The following MYBPC3 variants were observed in gnomAD, a reference collection of about 807,000 sequenced individuals.
The protein encoded by MYBPC3 is myosin-binding protein C, cardiac-type.
A neutral mutation model predicts 159.3 loss-of-function variants in MYBPC3; 108 were observed. That is an observed-to-expected ratio of 0.68 (90% CI 0.58 to 0.80). The LOEUF (loss-of-function observed/expected upper bound fraction) is 0.80. MYBPC3 is among the 30% of genes least tolerant of loss of function. MYBPC3 has a pLI of 0.00. For missense variants in MYBPC3, 1,631 were observed against 1,762.1 expected, an observed-to-expected ratio of 0.93 and a Z score of 1.33; for synonymous variants, 730 against 702.0, an observed-to-expected ratio of 1.04 and a Z score of -0.63.
Position 47,342,241 on chromosome 11 carries a change from C to T in MYBPC3, c.1625-85G>A, listed in dbSNP as rs1260563017. 26 of 1,496,568 alleles carry T rather than the reference C, an allele frequency of 1.7e-5. No individual in the cohort carries two copies. In the South Asian group the frequency reaches 2.3e-4, roughly 13 times the overall value. The allele number at this position is 1,496,568 out of a possible 1,614,324, so 92.7% of individuals were successfully genotyped here. ...TGTGGAGGGCGTGTGGGCCCATGGG[C>T]GCTGGTGCGCACGTGTCTGGGTGCA... On this transcript the variant is annotated intron_variant, in intron 17 of 34. Transcript: ENST00000545968.
Position 47,332,824 on chromosome 11 carries a change from G to A in MYBPC3, c.3480C>T (p.Ile1160=), listed in dbSNP as rs756214979. The change falls in exon 31 of 35, where the codon ATC becomes ATT. Residue 1160 remains isoleucine (I), a synonymous_variant. Transcript: ENST00000545968. This position sits in a 1 kb window ranked among gnomAD's most constrained non-coding sequence, Gnocchi z 4.2. ...RAATTKEPVF[I]PRPGITYEPP... ...ATGAGGGTACAGCACCTGGTCTGGGGATAAAGACGGGCTCCTTGGTGGTGG... is the reference window on the plus strand; with the variant it reads ...ATGAGGGTACAGCACCTGGTCTGGGAATAAAGACGGGCTCCTTGGTGGTGG... 4 of 1,606,214 alleles carry A rather than the reference G, an allele frequency of 2.5e-6. No homozygotes were observed. The highest frequency in any genetic ancestry group is 2.2e-5 in the South Asian group (2 of 89,604).
intron 25 of MYBPC3, chr11:47,336,291 C>T (rs1260234322): frequency 1.3e-5 from 3 of 236,422 alleles, no homozygotes; most frequent in Non-Finnish European, 2.5e-5. Flanking sequence ...AGTTCAAGAC[C>T]AGCCTGGCCA....
Position 47,332,292 on chromosome 11 carries a change from T to G in MYBPC3, c.3628-34A>C. On this transcript the variant is annotated intron_variant, in intron 32 of 34. Transcript: ENST00000545968. The surrounding 1 kb of genome is among the most constrained non-coding windows in gnomAD (Gnocchi z 4.2). Reference sequence around the variant, plus strand: ...AAGGTAAAGAGAGGGAGGGAAGCCATCCAGGCTGAGAGGGGACCTGGCAGG... The same window carrying G: ...AAGGTAAAGAGAGGGAGGGAAGCCAGCCAGGCTGAGAGGGGACCTGGCAGG... The G allele has an allele frequency of 6.2e-7, 1 of 1,603,662 alleles. No individual in the cohort carries two copies. The highest frequency in any genetic ancestry group is 8.5e-7 in the Non-Finnish European group (1 of 1,176,364).
Position 47,339,651 on chromosome 11 carries a change from C to A in MYBPC3, c.2067G>T (p.Gln689His). The A allele has an allele frequency of 6.3e-7, 1 of 1,591,458 alleles. No individual in the cohort carries two copies. The highest frequency in any genetic ancestry group is 8.6e-7 in the Non-Finnish European group (1 of 1,167,202). Reference sequence around the variant, plus strand: ...GAGACTGAGGAGGGACCCACAGTACCTGCGTGATAGCCTTCTGCCAGATCA... The same window carrying A: ...GAGACTGAGGAGGGACCCACAGTACATGCGTGATAGCCTTCTGCCAGATCA... ...PTVIWQKAIT[Q>H]GNKAPARPAP... Residue 689 changes from glutamine to histidine, a missense_variant and splice_region_variant, in exon 21 of 35, where the codon CAG (glutamine) becomes CAT (histidine). Physicochemically the swap from Gln to His is conservative, Grantham distance 24 (BLOSUM62 0). Transcript: ENST00000545968.
chr11:47,338,353 A>T lies in MYBPC3; in HGVS notation c.2308+167T>A, dbSNP rs375705319. Among the ~76,000 whole-genome samples the T allele has an allele frequency of 5.3e-5, 8 of 152,118 alleles. No homozygotes were observed. In the South Asian group the frequency reaches 1.2e-3, roughly 24 times the overall value. On this transcript the variant is annotated intron_variant, in intron 23 of 34. Transcript: ENST00000545968. The surrounding 1 kb of genome is among the most constrained non-coding windows in gnomAD (Gnocchi z 4.7). ...AAATCTGCTGGATGCATCTGCCTCC[A>T]TCTCCCCCAGAGCGGGGCTCCTTTT...
chr11:47,342,801 C>T (rs1363211535), intron 16 of MYBPC3, 29 bp downstream of exon 16: 5 of 1,611,958 alleles, frequency 3.1e-6, no homozygotes, highest in African/African-American at 1.3e-5. Context: ...ATGCCCCCAA[C>T]ACCCATGCCC....
In MYBPC3 at chr11:47,351,529, A is replaced by G; in HGVS notation, c.26-24T>C. The G allele has an allele frequency of 6.4e-7, 1 of 1,560,114 alleles. No homozygotes were observed. The highest frequency in any genetic ancestry group is 1.2e-5 in the South Asian group (1 of 83,924). On this transcript the variant is annotated intron_variant, in intron 1 of 34. Transcript: ENST00000545968. The surrounding 1 kb of genome is among the most constrained non-coding windows in gnomAD (Gnocchi z 4.2). ...GACTGAAGGGCCAGGTGGAGGCTACAGCGGCCCCTGGTTGGAGCGTGCACC... is the reference window on the plus strand; with the variant it reads ...GACTGAAGGGCCAGGTGGAGGCTACGGCGGCCCCTGGTTGGAGCGTGCACC...
chr11:47,342,781 T>C, intron 16 of MYBPC3, 37 bp from the exon 17 acceptor site: 1 of 1,612,882 alleles, frequency 6.2e-7, no homozygotes, highest in Non-Finnish European at 8.5e-7. Flanking sequence ...CTGTGGCCTC[T>C]TCTGGGCAGA....
intron 18 of MYBPC3, among the ~76,000 whole-genome samples, 145 bp downstream of exon 18, chr11:47,341,836 CTCTCTGTGGG>C (rs1308711523): frequency 6.6e-6 from 1 of 152,084 alleles, no homozygotes; most frequent in African/African-American, 2.4e-5. Flanking sequence ...CTGTTTCTCC[CTCTCTGTGGG>C]TCTCTGTCTC....
chr11:47,347,243 G>A (rs1403952396), intron 9 of MYBPC3, 183 bp downstream of exon 9: 17 of 985,202 alleles, frequency 1.7e-5, no homozygotes, highest in South Asian at 4.7e-5. Context: ...GACTGTTGAC[G>A]GGACATAATG....
chr11:47,342,466 A>C (rs1595846078), intron 17 of MYBPC3, 112 bp downstream of exon 17: 29 of 1,322,886 alleles, frequency 2.2e-5, no homozygotes, highest in Non-Finnish European at 2.9e-5. Flanking sequence ...CAAAGGCCCA[A>C]GGTCACAGAG....
At chr11:47,343,308 T>C (rs759519454) in intron 13 of MYBPC3, 46 bp from the exon 14 acceptor site, 26 of 1,526,972 alleles carry the variant, frequency 1.7e-5, no homozygotes, top group Middle Eastern at 1.7e-4. Flanking sequence ...CGGGAGGAAG[T>C]GAGCCCGAGA....
rs746879167 is a variant in MYBPC3, at chr11:47,331,926, G to A, written c.3815-45C>T. ...GTCACTGTGTCCTCCCAGCCTTCTG[G>A]AAGCTATTGCCCATCTGGGCGTGGC... On this transcript the variant is annotated intron_variant, in intron 33 of 34. Coordinates refer to ENST00000545968, the MANE Select transcript of MYBPC3 (RefSeq NM_000256.3). The A allele has an allele frequency of 5.8e-5, 93 of 1,605,320 alleles. 1 individual carries two copies. In the East Asian group the frequency reaches 2.1e-3, roughly 36 times the overall value.
chr11:47,342,764 G>A lies in MYBPC3; in HGVS notation c.1458-20C>T, dbSNP rs1329789965. 1 of 1,613,288 alleles carries A rather than the reference G, an allele frequency of 6.2e-7. No individual in the cohort carries two copies. Among genetic ancestry groups the A allele is most frequent in the African/African-American group, 1.3e-5 (1 of 74,926 alleles). Reference sequence around the variant, plus strand: ...TTCAGCCTAGCCGGGTGGGTGGGTGGCAAGTGCTGTGGCCTCTTCTGGGCA... The same window carrying A: ...TTCAGCCTAGCCGGGTGGGTGGGTGACAAGTGCTGTGGCCTCTTCTGGGCA... On this transcript the variant is annotated intron_variant, in intron 16 of 34. Coordinates refer to ENST00000545968, the MANE Select transcript of MYBPC3 (RefSeq NM_000256.3).
rs377287239 is a variant in MYBPC3, at chr11:47,347,633, G to A, written c.851+18C>T. 4.1e-5 allele frequency: 65 copies of A among 1,572,440 alleles called. No individual in the cohort carries two copies. The highest frequency in any genetic ancestry group is 5.1e-5 in the Non-Finnish European group (59 of 1,158,862). On this transcript the variant is annotated intron_variant, in intron 8 of 34. Coordinates refer to ENST00000545968, the MANE Select transcript of MYBPC3 (RefSeq NM_000256.3). ...GGGGGTCTGCGGATGGTGCAGGTAG[G>A]GCCTGGGGCAGGGGTACCTGATCCG...
At chr11:47,342,438 G>A (rs1283704596) in intron 17 of MYBPC3, 140 bp downstream of exon 17, 2 of 1,138,912 alleles carry the variant, frequency 1.8e-6, no homozygotes, top group Admixed American at 2.9e-5. Flanking sequence ...GAGATGAGAA[G>A]GATGAGGTTT....
intron 12 of MYBPC3, among the ~76,000 whole-genome samples, chr11:47,345,777 T>TA (rs2095893496): frequency 6.6e-6 from 1 of 152,180 alleles, no homozygotes; most frequent in African/African-American, 2.4e-5. Flanking sequence ...TCTCCAGGCT[T>TA]AGCGGGCCTC....
Position 47,335,974 on chromosome 11 carries a change from G to A in MYBPC3, c.2640C>T (p.Asp880=), listed in dbSNP as rs397515980. 29 of 1,551,862 alleles carry A rather than the reference G, an allele frequency of 1.9e-5. No individual in the cohort carries two copies. The highest frequency in any genetic ancestry group is 1.4e-4 in the African/African-American group (10 of 72,524). ...PSEPTHLAVE[D]VSDTTVSLKW... is the part of the protein sequence containing the mutation. ...TGAGGGAGACCGTGGTGTCAGAGAC[G>A]TCCTCTACTGCCAGGTGGGTGGGTT... The change falls in exon 26 of 35, where the codon GAC becomes GAT. Residue 880 remains aspartate, a synonymous_variant. Coordinates refer to ENST00000545968, the MANE Select transcript of MYBPC3 (RefSeq NM_000256.3).
Position 47,333,735 on chromosome 11 carries a change from C to G in MYBPC3, c.3012G>C (p.Gln1004His). 2 of 1,603,308 alleles carry G rather than the reference C, an allele frequency of 1.2e-6. No individual in the cohort carries two copies. Among genetic ancestry groups the G allele is most frequent in the Non-Finnish European group, 1.7e-6 (2 of 1,175,360 alleles). ...GCTGCCCCTCTTTGGTCCAGGTCAC[C>G]TGAGGCCGGGGCTTGCCCTGAGGGG... ...LIPFQGKPRP[Q>H]VTWTKEGQPL... The change falls in exon 29 of 35, where the codon CAG becomes CAC. Residue 1004 changes from glutamine to histidine, a missense_variant. Gln to His is a conservative substitution (Grantham distance 24). Coordinates refer to ENST00000545968, the MANE Select transcript of MYBPC3 (RefSeq NM_000256.3).
Sources: allele counts gnomAD v4.1 joint callset (sites outside exome capture counted in the v4.1 genomes callset), GRCh38; gene constraint gnomAD v4.1.1; non-coding constraint Gnocchi (gnomAD v3.1); transcripts MANE v1.5; gene names NCBI Gene and HGNC (gene_info 2026-07-23, HGNC 2026-07-21).